ZNF749: variants seen among roughly 807,000 people sequenced by gnomAD.
The protein encoded by ZNF749 is zinc finger protein 749.
ZNF749 carries 8 observed loss-of-function variants against 7.3 expected under a neutral mutation model. The observed-to-expected ratio is 1.10, with a 90% CI of 0.64 to 1.98. The LOEUF is 1.98. Ranked by LOEUF, ZNF749 falls within the 30% of genes most tolerant of loss-of-function variation. ZNF749 has a pLI of 0.00. For missense variants in ZNF749, 898 were observed against 932.4 expected (o/e 0.96, Z 0.48); for synonymous variants, 310 against 322.4 (o/e 0.96, Z 0.41).
chr19:57,442,032 C>G lies in ZNF749; in HGVS notation c.142+21C>G, dbSNP rs1282647833. On this transcript the variant is annotated intron_variant, in intron 2 of 2. Coordinates refer to ENST00000334181, the MANE Select transcript of ZNF749 (RefSeq NM_001023561.4). This position sits in a 1 kb window ranked among gnomAD's most constrained non-coding sequence, Gnocchi z 6.6. ...AGTAGGTAAGGCCTTCATACCTACT[C>G]TGGTGTCTTGTGCTGGGTGCTGTTT... The G allele has an allele frequency of 3.1e-6, 5 of 1,610,808 alleles. No individual in the cohort carries two copies. The highest frequency in any genetic ancestry group is 3.4e-5 in the Admixed American group (2 of 59,426).
At chr19:57,429,613 G>A in the ZNF749 span, among the ~76,000 whole-genome samples, 1 of 152,058 alleles carries the variant, frequency 6.6e-6, no homozygotes, top group Non-Finnish European at 1.5e-5. The surrounding 1 kb of genome is among the most constrained non-coding windows in gnomAD (Gnocchi z 4.2). Context: ...AAGTAGCTAG[G>A]ACTAAAAGTG....
At position 57,446,333 on chromosome 19, in the gene ZNF749, G is replaced by T. The variant is rs1288991540; in HGVS notation, c.*848G>T. Among the ~76,000 whole-genome samples the T allele has an allele frequency of 6.6e-6, 1 of 152,144 alleles. No individual in the cohort carries two copies. Among genetic ancestry groups the T allele is most frequent in the African/African-American group, 2.4e-5 (1 of 41,426 alleles). ...GGACAGTTTTATTCTGAAACTGTCT[G>T]CCCCCTCCTCTGTCCCTGATGCGTG... On this transcript the variant is annotated 3_prime_UTR_variant, in exon 3 of 3. Transcript: ENST00000334181.
upstream of ZNF749, chr19:57,435,256 G>T: frequency 1.9e-6 from 1 of 536,944 alleles, no homozygotes; most frequent in Non-Finnish European, 3.3e-6. Flanking sequence ...CACTGCGGGG[G>T]CAGGGCAGCG....
At chr19:57,432,087 C>G (rs1266110606), upstream of ZNF749, among the ~76,000 whole-genome samples, 1 of 151,794 alleles carries the variant, frequency 6.6e-6, no homozygotes, top group Non-Finnish European at 1.5e-5. Context: ...CCTGCCTCGG[C>G]CTCCCAAAAG....
chr19:57,442,272 T>C lies in ZNF749; in HGVS notation c.142+261T>C, dbSNP rs117878984. Among the ~76,000 whole-genome samples, 4 of 152,262 alleles carry C rather than the reference T, an allele frequency of 2.6e-5. No individual in the cohort carries two copies. Among genetic ancestry groups the C allele is most frequent in the East Asian group, 3.9e-4 (2 of 5,180 alleles). On this transcript the variant is annotated intron_variant, in intron 2 of 2. Coordinates refer to ENST00000334181, the MANE Select transcript of ZNF749 (RefSeq NM_001023561.4). This position sits in a 1 kb window ranked among gnomAD's most constrained non-coding sequence, Gnocchi z 6.6. ...GAAATCTTCAGGTTTCTTTAAGATA[T>C]CCTAATGGCGGTGCCTGTCCCTGGT...
chr19:57,440,850 G>A (rs985347347), intron 1 of ZNF749, among the ~76,000 whole-genome samples: 5 of 152,138 alleles, frequency 3.3e-5, no homozygotes, highest in African/African-American at 1.2e-4. Flanking sequence ...AGGGCCGGCC[G>A]GGCGCAGTGG....
At position 57,435,371 on chromosome 19, in the gene ZNF749, A is replaced by T. The variant is rs2088923811; in HGVS notation, c.-208A>T. 8.6e-6 allele frequency: 6 copies of T among 694,254 alleles called. No individual in the cohort carries two copies. The highest frequency in any genetic ancestry group is 7.2e-5 in the South Asian group (4 of 55,324). The allele number at this position is 694,254 out of a possible 1,614,324, so 43.0% of individuals were successfully genotyped here. The stretch of plus-strand genomic sequence containing the variant: ...GTTGCGTTAGCATGGCTACCTAGGG[A>T]TCTGTTCACTGATTTAGAGGGTCCC... On this transcript the variant is annotated 5_prime_UTR_variant, in exon 1 of 3. Transcript: ENST00000334181.
At chr19:57,430,340 T>C (rs1334057995), upstream of ZNF749, among the ~76,000 whole-genome samples, 1 of 152,202 alleles carries the variant, frequency 6.6e-6, no homozygotes, top group African/African-American at 2.4e-5. Context: ...ATTCTTGCGA[T>C]GATAGCATTA....
chr19:57,443,588 T>C lies in ZNF749; in HGVS notation c.440T>C (p.Val147Ala). ...TCATTTGTGAACCACAGTGCTCACG[T>C]GGGAGAGAGGAACTTCACATGCACG... Reference protein sequence around the residue: ...RPSFVNHSAHVGERNFTCTQG... With the variant: ...RPSFVNHSAHAGERNFTCTQG... The change falls in exon 3 of 3, where the codon GTG (valine) becomes GCG (alanine). Residue 147 changes from valine (V) to alanine (A), a missense_variant. Transcript: ENST00000334181. 4 of 1,614,234 alleles carry C rather than the reference T, an allele frequency of 2.5e-6. No individual in the cohort carries two copies. The highest frequency in any genetic ancestry group is 3.4e-6 in the Non-Finnish European group (4 of 1,180,044).
upstream of ZNF749, among the ~76,000 whole-genome samples, chr19:57,430,383 G>GA (rs1020345764): frequency 1.9e-3 from 289 of 152,322 alleles, 4 homozygotes; most frequent in African/African-American, 6.6e-3. Flanking sequence ...CTCATGATCT[G>GA]AAGCCTCTTA....
chr19:57,436,234 C>T lies in ZNF749; in HGVS notation c.15+641C>T, dbSNP rs1198390625. On this transcript the variant is annotated intron_variant, in intron 1 of 2. Coordinates refer to ENST00000334181, the MANE Select transcript of ZNF749 (RefSeq NM_001023561.4). The surrounding 1 kb of genome is among the most constrained non-coding windows in gnomAD (Gnocchi z 4.0). ...AAGGAGCGGGTTTCAGACAGAAGAT[C>T]CTGGGTTGGATTTTGGGCGACATCA... is the stretch of plus-strand genomic sequence containing the variant. Among the ~76,000 whole-genome samples the T allele has an allele frequency of 6.6e-6, 1 of 152,032 alleles. No homozygotes were observed. Among genetic ancestry groups the T allele is most frequent in the East Asian group, 1.9e-4 (1 of 5,188 alleles).
chr19:57,431,026 A>G (rs937160935), upstream of ZNF749, among the ~76,000 whole-genome samples: 11 of 134,468 alleles, frequency 8.2e-5, no homozygotes, highest in Non-Finnish European at 1.2e-4. Flanking sequence ...ATGACAGAGC[A>G]GGACTCTGTC....
At position 57,443,730 on chromosome 19, in the gene ZNF749, T is replaced by A. The variant is rs1240116961; in HGVS notation, c.582T>A (p.Asn194Lys). 1.2e-6 allele frequency: 2 copies of A among 1,614,094 alleles called. No individual in the cohort carries two copies. Among genetic ancestry groups the A allele is most frequent in the Admixed American group, 1.7e-5 (1 of 60,022 alleles). Residue 194 changes from asparagine (N) to lysine (K), a missense_variant, in exon 3 of 3, where the codon AAT becomes AAA. Transcript: ENST00000334181. ...GGGAAGCCTTTCAAGGTGAACAGAA[T>A]GATTTCAACTCCAGCCAAGGTGGGA... ...QDGEAFQGEQ[N>K]DFNSSQGGKD...
chr19:57,435,987 G>T (rs2088932166), intron 1 of ZNF749, among the ~76,000 whole-genome samples: 1 of 152,188 alleles, frequency 6.6e-6, no homozygotes, highest in African/African-American at 2.4e-5. Flanking sequence ...GGGGCAGGGG[G>T]ACCGCTGAGG....
In ZNF749 at chr19:57,444,340, A is replaced by G. The variant is rs1218376719; in HGVS notation, c.1192A>G (p.Asn398Asp). The G allele has an allele frequency of 1.9e-6, 3 of 1,614,034 alleles. No individual in the cohort carries two copies. Among genetic ancestry groups the G allele is most frequent in the Non-Finnish European group, 2.5e-6 (3 of 1,180,010 alleles). ...GKFFSHRSTL[N>D]MHQRVHAGKR... is the part of the protein sequence containing the mutation. ...ATTCTTTAGTCACCGCTCCACACTC[A>G]ATATGCACCAGAGAGTTCATGCTGG... Residue 398 changes from asparagine (N) to aspartate (D), a missense_variant, in exon 3 of 3, where the codon AAT becomes GAT. Transcript: ENST00000334181.
rs1323628798 is a variant in ZNF749, at chr19:57,445,991, C to T, written c.*506C>T. On this transcript the variant is annotated 3_prime_UTR_variant, in exon 3 of 3. Coordinates refer to ENST00000334181, the MANE Select transcript of ZNF749 (RefSeq NM_001023561.4). ...TAACTTAAAATCTACCATCTTAACC[C>T]ATATTTAACTGTACTGTTCAGTAGT... is the stretch of plus-strand genomic sequence containing the variant. Among the ~76,000 whole-genome samples, 1 of 152,106 alleles carries T rather than the reference C, an allele frequency of 6.6e-6. No individual in the cohort carries two copies. Among genetic ancestry groups the T allele is most frequent in the African/African-American group, 2.4e-5 (1 of 41,422 alleles).
rs1483825377 is a variant in ZNF749, at chr19:57,445,890, AT to A, written c.*407del. 1.3e-5 allele frequency among the ~76,000 whole-genome samples: 2 copies of A among 152,178 alleles called. No individual in the cohort carries two copies. The highest frequency in any genetic ancestry group is 2.9e-5 in the Non-Finnish European group (2 of 68,032). On this transcript the variant is annotated 3_prime_UTR_variant, in exon 3 of 3. Coordinates refer to ENST00000334181, the MANE Select transcript of ZNF749 (RefSeq NM_001023561.4). ...GGTTGCAGTGAACTGAGATTGTTCC[AT>A]TGCACTCCAGCCTGGGTGACAGGGC...
At chr19:57,433,908 G>A (rs902603817), upstream of ZNF749, among the ~76,000 whole-genome samples, 3 of 151,930 alleles carry the variant, frequency 2.0e-5, no homozygotes, top group Non-Finnish European at 2.9e-5. Flanking sequence ...TCTAAATGCC[G>A]ACTTTTTGTA....
At chr19:57,430,578 G>A (rs1898319071), upstream of ZNF749, among the ~76,000 whole-genome samples, 1 of 152,208 alleles carries the variant, frequency 6.6e-6, no homozygotes, top group South Asian at 2.1e-4. Flanking sequence ...ATCTTTAGTT[G>A]CAGCTGTTAA....
Sources: allele counts gnomAD v4.1 joint callset (sites outside exome capture counted in the v4.1 genomes callset), GRCh38; gene constraint gnomAD v4.1.1; non-coding constraint Gnocchi (gnomAD v3.1); transcripts MANE v1.5; gene names NCBI Gene and HGNC (gene_info 2026-07-23, HGNC 2026-07-21).